The following RBFOX1 variants were observed in gnomAD, a reference collection of about 807,000 sequenced individuals.
RBFOX1 encodes the protein RNA binding protein fox-1 homolog 1.
Under a neutral mutation model 57.7 loss-of-function variants are expected in RBFOX1, and 8 were observed. The observed-to-expected ratio is 0.14, with a 90% CI of 0.08 to 0.25. The LOEUF (loss-of-function observed/expected upper bound fraction) is 0.25, where lower values mean the gene tolerates loss of function less well. RBFOX1 is among the 10% of genes least tolerant of loss of function. The probability of loss-of-function intolerance (pLI) is 1.00; values close to 1 mark genes in which losing one functional copy is unlikely to be tolerated. For synonymous variants in RBFOX1, 326 were observed against 222.4 expected (o/e 1.47, Z -4.15); for missense variants, 611 against 548.5 (o/e 1.11, Z -1.14).
intron 4 of RBFOX1, among the ~76,000 whole-genome samples, chr16:7,484,577 C>T (rs1189844994): frequency 2.6e-5 from 4 of 152,194 alleles, no homozygotes; most frequent in African/African-American, 9.7e-5. Context: ...ATTCTCCTAC[C>T]TCAGCCTCTT....
intron 1 of RBFOX1, among the ~76,000 whole-genome samples, chr16:5,429,049 C>G (rs951927647): frequency 6.6e-6 from 1 of 152,170 alleles, no homozygotes; most frequent in Non-Finnish European, 1.5e-5. Flanking sequence ...AGTTGCTAGG[C>G]TCTCCTGGCC....
At chr16:7,176,438 G>T (rs11649011) in intron 4 of RBFOX1, among the ~76,000 whole-genome samples, 1 of 151,672 alleles carries the variant, frequency 6.6e-6, no homozygotes, top group Non-Finnish European at 1.5e-5. Context: ...AGATATGTAC[G>T]AGGTATCTAT....
At chr16:5,857,922 G>A (rs559616892) in intron 3 of RBFOX1, among the ~76,000 whole-genome samples, 2 of 152,080 alleles carry the variant, frequency 1.3e-5, no homozygotes, top group South Asian at 2.1e-4. Flanking sequence ...ACTCCAGCCT[G>A]GGTGACAAAG....
chr16:6,148,190 G>C (rs1180091017), intron 1 of RBFOX1, among the ~76,000 whole-genome samples: 1 of 152,170 alleles, frequency 6.6e-6, no homozygotes, highest in East Asian at 1.9e-4. Flanking sequence ...AGCCGAGTGT[G>C]GTGGCATGTA....
intron 3 of RBFOX1, among the ~76,000 whole-genome samples, chr16:6,667,663 T>C (rs1478864662): frequency 6.6e-6 from 1 of 152,100 alleles, no homozygotes; most frequent in Non-Finnish European, 1.5e-5. Context: ...GGAGGATTAC[T>C]TGAGCTCGGG....
chr16:6,058,335 TCCTCTCCTTCCTC>T (rs2095640178), intron 1 of RBFOX1, among the ~76,000 whole-genome samples: 1 of 151,600 alleles, frequency 6.6e-6, no homozygotes, highest in Non-Finnish European at 1.5e-5. Context: ...CCTTCCTCCC[TCCTCTCCTTCCTC>T]CCTCTCCTTC....
intron 2 of RBFOX1, among the ~76,000 whole-genome samples, chr16:6,580,183 T>A (rs761978407): frequency 6.6e-6 from 1 of 152,184 alleles, no homozygotes; most frequent in Non-Finnish European, 1.5e-5. Flanking sequence ...GGTCTCGAAC[T>A]CCTGACCTCA....
chr16:7,028,603 CACACACAAAAA>C (rs1185160622), intron 3 of RBFOX1, among the ~76,000 whole-genome samples: 10 of 32,616 alleles, frequency 3.1e-4, no homozygotes, highest in African/African-American at 1.5e-3. Flanking sequence ...CACACACACA[CACACACAAAAA>C]AAAAAAAAAA....
chr16:5,415,529 C>G (rs2067138759), intron 1 of RBFOX1, among the ~76,000 whole-genome samples: 1 of 152,206 alleles, frequency 6.6e-6, no homozygotes, highest in African/African-American at 2.4e-5. Context: ...CCAGGACCTG[C>G]TCTCCTCATT....
intron 4 of RBFOX1, among the ~76,000 whole-genome samples, chr16:5,927,649 A>T (rs955650506): frequency 6.6e-6 from 1 of 152,252 alleles, no homozygotes; most frequent in African/African-American, 2.4e-5. Context: ...CTGCAGTCTC[A>T]TGTTCATTGC....
At chr16:6,619,180 AC>A (rs1349604452) in intron 2 of RBFOX1, among the ~76,000 whole-genome samples, 31 of 150,970 alleles carry the variant, frequency 2.1e-4, no homozygotes, top group Non-Finnish European at 3.5e-4. Context: ...AAAAAAAAAA[AC>A]AACTTCTGAT....
At chr16:6,853,681 C>A (rs766326177) in intron 3 of RBFOX1, among the ~76,000 whole-genome samples, 1 of 152,144 alleles carries the variant, frequency 6.6e-6, no homozygotes, top group Non-Finnish European at 1.5e-5. Flanking sequence ...ATTTGTGAAC[C>A]TGTAGCAATT....
intron 3 of RBFOX1, among the ~76,000 whole-genome samples, chr16:6,926,775 G>C (rs2075666332): frequency 6.6e-6 from 1 of 151,468 alleles, no homozygotes. Context: ...AAATGCTTCT[G>C]CTGGGTCTCT....
At chr16:7,354,778 T>C (rs1050620725) in intron 4 of RBFOX1, among the ~76,000 whole-genome samples, 2 of 152,200 alleles carry the variant, frequency 1.3e-5, no homozygotes, top group African/African-American at 4.8e-5. Context: ...AACTGTGCCA[T>C]TGACATTTTC....
chr16:7,437,702 T>C (rs2098734020), intron 4 of RBFOX1, among the ~76,000 whole-genome samples: 1 of 152,148 alleles, frequency 6.6e-6, no homozygotes, highest in Non-Finnish European at 1.5e-5. Flanking sequence ...AATATTTGTC[T>C]GGAGATTAGC....
intron 4 of RBFOX1, among the ~76,000 whole-genome samples, chr16:7,507,203 A>G (rs909843787): frequency 6.6e-6 from 1 of 152,210 alleles, no homozygotes; most frequent in Non-Finnish European, 1.5e-5. Flanking sequence ...CTGGCCTATC[A>G]TAGTGTTTTT....
At chr16:6,820,687 C>G (rs1198988798) in intron 3 of RBFOX1, among the ~76,000 whole-genome samples, 1 of 151,646 alleles carries the variant, frequency 6.6e-6, no homozygotes, top group African/African-American at 2.4e-5. Context: ...AACAAACAAA[C>G]AAAAACCGAA....
chr16:6,813,858 C>T (rs1405523700), intron 3 of RBFOX1, among the ~76,000 whole-genome samples: 1 of 152,144 alleles, frequency 6.6e-6, no homozygotes, highest in Non-Finnish European at 1.5e-5. Context: ...TGGCTTCCAT[C>T]TGAGCTCAGC....
intron 3 of RBFOX1, among the ~76,000 whole-genome samples, chr16:6,879,536 A>G (rs2062497401): frequency 6.6e-6 from 1 of 152,236 alleles, no homozygotes; most frequent in Non-Finnish European, 1.5e-5. Flanking sequence ...TAGGTTAATG[A>G]GATTATTCAC....
Sources: gnomAD v4.1 joint callset for allele counts (sites outside exome capture counted in the v4.1 genomes callset) on GRCh38, gnomAD v4.1.1 for gene constraint, MANE v1.5 for transcripts, NCBI Gene and HGNC (gene_info 2026-07-23, HGNC 2026-07-21) for gene names.